Variants in CFAP20DC observed in about 807,000 individuals in gnomAD.
CFAP20DC encodes CFAP20 domain containing, also known as protein CFAP20DC.
Under a neutral mutation model 101.7 loss-of-function variants are expected in CFAP20DC, and 84 were observed. The ratio of observed to expected loss-of-function variants is 0.83; its 90% CI spans 0.69 to 0.99. The LOEUF (loss-of-function observed/expected upper bound fraction) is 0.99. CFAP20DC is among the 50% of genes least tolerant of loss of function. The probability of loss-of-function intolerance (pLI) is 0.00; values close to 1 mark genes in which losing one functional copy is unlikely to be tolerated. For synonymous variants in CFAP20DC, 359 were observed against 351.2 expected, an observed-to-expected ratio of 1.02 and a Z score of -0.25; for missense variants, 1,007 against 970.3, an observed-to-expected ratio of 1.04 and a Z score of -0.50.
At chr3:58,745,005 A>C (rs760764009) in intron 16 of CFAP20DC, among the ~76,000 whole-genome samples, 6 of 152,120 alleles carry the variant, frequency 3.9e-5, no homozygotes, top group Non-Finnish European at 8.8e-5. Context: ...CTTTGCTAAC[A>C]ACCACATTAA....
intron 15 of CFAP20DC, among the ~76,000 whole-genome samples, chr3:58,798,404 C>G (rs1470635735): frequency 6.6e-6 from 1 of 152,088 alleles, no homozygotes; most frequent in East Asian, 1.9e-4. Context: ...AAATAAAGCT[C>G]GAAGATGTGG....
chr3:58,862,953 T>G (rs1251017673), intron 12 of CFAP20DC: 7 of 973,566 alleles, frequency 7.2e-6, no homozygotes, highest in Non-Finnish European at 7.3e-6. Flanking sequence ...ATTTTAAAAC[T>G]TTTTACGAAT....
At chr3:58,807,130 T>A (rs2074146569) in intron 14 of CFAP20DC, among the ~76,000 whole-genome samples, 2 of 152,320 alleles carry the variant, frequency 1.3e-5, no homozygotes, top group Admixed American at 1.3e-4. Context: ...AGGCTCCACC[T>A]CTGGGGGCGG....
intron 15 of CFAP20DC, among the ~76,000 whole-genome samples, chr3:58,791,521 ACT>A (rs2072855240): frequency 6.6e-6 from 1 of 152,180 alleles, no homozygotes; most frequent in Non-Finnish European, 1.5e-5. Flanking sequence ...TTAATCTCAT[ACT>A]GAGTGAATAG....
At chr3:58,950,135 A>T (rs1484237948) in intron 4 of CFAP20DC, among the ~76,000 whole-genome samples, 1 of 152,180 alleles carries the variant, frequency 6.6e-6, no homozygotes, top group Non-Finnish European at 1.5e-5. Context: ...TAACAGACAA[A>T]CGGAGAGCCA....
At chr3:58,987,362 T>G (rs1335786024) in intron 4 of CFAP20DC, among the ~76,000 whole-genome samples, 1 of 152,090 alleles carries the variant, frequency 6.6e-6, no homozygotes, top group Non-Finnish European at 1.5e-5. Flanking sequence ...AACTTGAAAT[T>G]AATCTAAATG....
At chr3:58,884,247 C>G (rs577380080) in intron 7 of CFAP20DC, among the ~76,000 whole-genome samples, 2 of 152,340 alleles carry the variant, frequency 1.3e-5, no homozygotes, top group South Asian at 4.1e-4. Flanking sequence ...ACTATTTGCA[C>G]AGTGGTTAAA....
chr3:58,853,816 G>T (rs2078489330), intron 12 of CFAP20DC, among the ~76,000 whole-genome samples: 1 of 152,194 alleles, frequency 6.6e-6, no homozygotes, highest in South Asian at 2.1e-4. Context: ...AATAAATTAG[G>T]TATTGATGGG....
chr3:58,798,287 C>A (rs866511791), intron 15 of CFAP20DC, among the ~76,000 whole-genome samples: 2 of 152,132 alleles, frequency 1.3e-5, no homozygotes, highest in South Asian at 2.1e-4. Context: ...GTCAAAATAT[C>A]AACATGACCA....
At chr3:58,771,455 C>T (rs1051287935) in intron 15 of CFAP20DC, among the ~76,000 whole-genome samples, 2 of 151,886 alleles carry the variant, frequency 1.3e-5, no homozygotes, top group Admixed American at 1.3e-4. Flanking sequence ...AAACATAGAG[C>T]CTTCCCGTTA....
rs1018438799 is a variant in CFAP20DC at position 58,897,949 on chromosome 3, C to G, written c.551-13240G>C. Among the ~76,000 whole-genome samples, 22 of 152,188 alleles carry G rather than the reference C, an allele frequency of 1.4e-4. No individual in the cohort carries two copies. The highest frequency in any genetic ancestry group is 7.3e-5 in the Non-Finnish European group (5 of 68,034). On this transcript the variant is annotated intron_variant, in intron 6 of 16. Transcript: ENST00000482387. The surrounding 1 kb of genome is among the most constrained non-coding windows in gnomAD (Gnocchi z 4.4). ...TGGCTTACTAGGTTGGGGAATTTCT[C>G]CTGGATGCTATCCTGAAATATGTTT...
chr3:58,977,456 AAC>A (rs1180539281), intron 4 of CFAP20DC, among the ~76,000 whole-genome samples: 2 of 152,184 alleles, frequency 1.3e-5, no homozygotes, highest in African/African-American at 4.8e-5. Context: ...CTAATCATGA[AAC>A]ACAGAGTAAC....
intron 14 of CFAP20DC, among the ~76,000 whole-genome samples, chr3:58,808,217 C>T (rs1425954954): frequency 2.6e-5 from 4 of 152,112 alleles, no homozygotes; most frequent in African/African-American, 9.7e-5. Flanking sequence ...CAGAGAACGC[C>T]ACAAAGACAC....
intron 6 of CFAP20DC, among the ~76,000 whole-genome samples, chr3:58,902,344 C>T (rs2083221428): frequency 6.6e-6 from 1 of 152,192 alleles, no homozygotes; most frequent in Non-Finnish European, 1.5e-5. Flanking sequence ...GGTAATTCTA[C>T]ATTTCACTTT....
intron 4 of CFAP20DC, among the ~76,000 whole-genome samples, chr3:58,989,197 T>C (rs755291615): frequency 6.6e-5 from 10 of 152,102 alleles, no homozygotes; most frequent in Non-Finnish European, 1.5e-4. Context: ...TTAGGACTAG[T>C]TGAAAAATCC....
At chr3:58,763,016 T>C (rs2069813685) in intron 15 of CFAP20DC, among the ~76,000 whole-genome samples, 1 of 152,184 alleles carries the variant, frequency 6.6e-6, no homozygotes, top group South Asian at 2.1e-4. Context: ...ATGATGTGTC[T>C]TGGAGTTGCT....
intron 4 of CFAP20DC, among the ~76,000 whole-genome samples, chr3:58,963,190 T>TG (rs2091283461): frequency 8.1e-4 from 96 of 118,300 alleles, no homozygotes; most frequent in South Asian, 2.6e-3. Context: ...GTTCAGTAGT[T>TG]TGTGTGTGTG....
At chr3:58,853,212 G>A (rs1176143179) in intron 12 of CFAP20DC, among the ~76,000 whole-genome samples, 37 of 152,244 alleles carry the variant, frequency 2.4e-4, no homozygotes, top group African/African-American at 7.2e-4. Flanking sequence ...ACACCTCTAC[G>A]CAAATAAACT....
intron 6 of CFAP20DC, among the ~76,000 whole-genome samples, chr3:58,907,863 T>C (rs1172193313): frequency 6.6e-6 from 1 of 152,170 alleles, no homozygotes; most frequent in Admixed American, 6.5e-5. Context: ...TACGGGGTTA[T>C]ACACCACAGC....
Sources: gnomAD v4.1 joint callset for allele counts (sites outside exome capture counted in the v4.1 genomes callset) on GRCh38, gnomAD v4.1.1 for gene constraint, Gnocchi (gnomAD v3.1) non-coding constraint, MANE v1.5 for transcripts, NCBI Gene and HGNC (gene_info 2026-07-23, HGNC 2026-07-21) for gene names.